The following LRRC4C variants were observed in gnomAD, a reference collection of about 807,000 sequenced individuals.
LRRC4C encodes the protein leucine-rich repeat-containing protein 4C.
A neutral mutation model predicts 33.6 loss-of-function variants in LRRC4C; 5 were observed. That is an observed-to-expected ratio of 0.15 (90% CI 0.08 to 0.31). LRRC4C has a LOEUF of 0.31. Ranked by LOEUF, LRRC4C falls within the 10% of genes least tolerant of loss-of-function variation. LRRC4C has a pLI of 1.00. For missense variants in LRRC4C, 560 were observed against 796.7 expected, an observed-to-expected ratio of 0.70 and a Z score of 3.58; for synonymous variants, 329 against 302.0, an observed-to-expected ratio of 1.09 and a Z score of -0.93.
intron 3 of LRRC4C, among the ~76,000 whole-genome samples, chr11:40,364,004 A>G (rs1022898837): frequency 3.9e-5 from 6 of 152,222 alleles, no homozygotes; most frequent in African/African-American, 1.4e-4. Context: ...TCTTAGGTTT[A>G]CAAGACTAAT....
chr11:40,963,239 T>C (rs1462280074), intron 1 of LRRC4C, among the ~76,000 whole-genome samples: 1 of 151,738 alleles, frequency 6.6e-6, no homozygotes, highest in African/African-American at 2.4e-5. Flanking sequence ...CCTAAATAAT[T>C]TTTAATACAA....
At chr11:40,372,789 A>G (rs1227930245) in intron 3 of LRRC4C, among the ~76,000 whole-genome samples, 1 of 152,212 alleles carries the variant, frequency 6.6e-6, no homozygotes, top group Non-Finnish European at 1.5e-5. Flanking sequence ...CATTAGGCCT[A>G]GTCTCCAAAC....
chr11:41,164,665 A>G (rs1944637857), intron 1 of LRRC4C, among the ~76,000 whole-genome samples: 1 of 152,112 alleles, frequency 6.6e-6, no homozygotes, highest in Admixed American at 6.6e-5. Flanking sequence ...GGGCAATAGG[A>G]ATTTTTCAAC....
intron 3 of LRRC4C, among the ~76,000 whole-genome samples, chr11:40,443,020 A>C (rs2137985225): frequency 6.6e-6 from 1 of 152,284 alleles, no homozygotes; most frequent in South Asian, 2.1e-4. Flanking sequence ...ACATGTCCAA[A>C]GTTATCCCAC....
In LRRC4C at chr11:41,119,841, G is replaced by A. The variant is rs541506101; in HGVS notation, c.-495-186118C>T. 1.8e-3 allele frequency among the ~76,000 whole-genome samples: 268 copies of A among 152,190 alleles called. 1 individual carries two copies. The highest frequency in any genetic ancestry group is 6.3e-3 in the African/African-American group (263 of 41,540). ...TGAAATAAATAATGATTTATGTATAGATGAGCTGAGGACATTAGTTTCAAT... is the reference window on the plus strand; with the variant it reads ...TGAAATAAATAATGATTTATGTATAAATGAGCTGAGGACATTAGTTTCAAT... On this transcript the variant is annotated intron_variant, in intron 1 of 6. Coordinates refer to ENST00000528697, the MANE Select transcript of LRRC4C (RefSeq NM_001258419.2).
chr11:40,858,692 TAAAAAAAA>T (rs201131448), intron 2 of LRRC4C, among the ~76,000 whole-genome samples: 4 of 80,160 alleles, frequency 5.0e-5, no homozygotes, highest in African/African-American at 2.2e-4. Flanking sequence ...GACTCCTTCT[TAAAAAAAA>T]AAAAAAAAAA....
intron 5 of LRRC4C, among the ~76,000 whole-genome samples, chr11:40,192,958 GGCT>G (rs1432485413): frequency 3.9e-5 from 6 of 152,160 alleles, no homozygotes; most frequent in African/African-American, 9.7e-5. Context: ...CCCAGTCAGG[GGCT>G]TATAGATAAA....
chr11:40,799,100 A>G (rs1459016650), intron 2 of LRRC4C, among the ~76,000 whole-genome samples: 2 of 152,220 alleles, frequency 1.3e-5, no homozygotes, highest in East Asian at 3.8e-4. Flanking sequence ...TTACAAATAC[A>G]TATAAGCTTT....
intron 1 of LRRC4C, among the ~76,000 whole-genome samples, chr11:41,231,722 A>T (rs918087551): frequency 2.0e-5 from 3 of 151,756 alleles, no homozygotes; most frequent in African/African-American, 7.3e-5. Context: ...TATGTAACAA[A>T]CCTGCACATT....
intron 3 of LRRC4C, among the ~76,000 whole-genome samples, chr11:40,381,954 G>GTTTTTTTTTTTTTTT (rs34415574): frequency 1.2e-5 from 1 of 85,884 alleles, no homozygotes; most frequent in Non-Finnish European, 2.1e-5. Context: ...ATCAGTCAGC[G>GTTTTTTTTTTTTTTT]TTTTTTTTTT....
chr11:40,801,005 G>A (rs1421872760), intron 2 of LRRC4C, among the ~76,000 whole-genome samples: 1 of 151,950 alleles, frequency 6.6e-6, no homozygotes, highest in African/African-American at 2.4e-5. Context: ...TCAACTTAGA[G>A]GGCTTGTTTT....
At chr11:41,430,737 C>T (rs950327872) in intron 1 of LRRC4C, among the ~76,000 whole-genome samples, 2 of 151,838 alleles carry the variant, frequency 1.3e-5, no homozygotes, top group African/African-American at 2.4e-5. Context: ...GGATATGCTA[C>T]GTTAATTTAA....
chr11:40,588,726 C>T (rs940301653), intron 3 of LRRC4C, among the ~76,000 whole-genome samples: 26 of 152,228 alleles, frequency 1.7e-4, no homozygotes, highest in African/African-American at 5.5e-4. Context: ...GCCTTCATTT[C>T]GTTCGGTACC....
Position 40,423,316 on chromosome 11 carries a change from A to G in LRRC4C, c.-269-103595T>C, listed in dbSNP as rs191049135. Among the ~76,000 whole-genome samples, 3 of 152,084 alleles carry G rather than the reference A, an allele frequency of 2.0e-5. No individual in the cohort carries two copies. The East Asian group carries it at 5.8e-4, about 29-fold the overall frequency. On this transcript the variant is annotated intron_variant, in intron 3 of 6. Coordinates refer to ENST00000528697, the MANE Select transcript of LRRC4C (RefSeq NM_001258419.2). Reference sequence around the variant, plus strand: ...TATAAACGGTGTTATTTGAATGTGAAAAGGAAGTCAGTTGTTCATGTTCTT... The same window carrying G: ...TATAAACGGTGTTATTTGAATGTGAGAAGGAAGTCAGTTGTTCATGTTCTT...
At chr11:41,421,217 TA>T (rs1954862630) in intron 1 of LRRC4C, among the ~76,000 whole-genome samples, 1 of 152,028 alleles carries the variant, frequency 6.6e-6, no homozygotes, top group South Asian at 2.1e-4. Context: ...TATTATTACT[TA>T]ATGTAATGAC....
chr11:41,245,700 C>T (rs1029323481), intron 1 of LRRC4C, among the ~76,000 whole-genome samples: 1 of 152,052 alleles, frequency 6.6e-6, no homozygotes, highest in African/African-American at 2.4e-5. Flanking sequence ...GTGTTTTAGC[C>T]CTGCTTGTGT....
intron 3 of LRRC4C, among the ~76,000 whole-genome samples, chr11:40,500,841 C>T (rs1954729804): frequency 6.6e-6 from 1 of 152,116 alleles, no homozygotes; most frequent in Non-Finnish European, 1.5e-5. Flanking sequence ...AACAGTCCCC[C>T]AAAGTCTTAA....
chr11:40,465,855 A>C (rs1952625574), intron 3 of LRRC4C, among the ~76,000 whole-genome samples: 2 of 152,062 alleles, frequency 1.3e-5, no homozygotes, highest in Non-Finnish European at 2.9e-5. Flanking sequence ...CTCTATGGAC[A>C]ACAGTGTGGA....
intron 2 of LRRC4C, among the ~76,000 whole-genome samples, chr11:40,886,395 G>C (rs929927054): frequency 5.0e-5 from 5 of 100,548 alleles, no homozygotes; most frequent in Non-Finnish European, 1.1e-4. Flanking sequence ...CCAAAGTCTG[G>C]TTTCAAATGC....
Sources: gnomAD v4.1 joint callset for allele counts (sites outside exome capture counted in the v4.1 genomes callset) on GRCh38, gnomAD v4.1.1 for gene constraint, MANE v1.5 for transcripts, NCBI Gene and HGNC (gene_info 2026-07-23, HGNC 2026-07-21) for gene names.